Variants in CADM2 observed in about 807,000 individuals in gnomAD.
CADM2 encodes immunoglobulin superfamily member 4D.
CADM2 carries 12 observed loss-of-function variants against 49.8 expected under a neutral mutation model. That is an observed-to-expected ratio of 0.24 (90% CI 0.15 to 0.39). The LOEUF is 0.39. Among genes scored for constraint, CADM2 ranks in the 10% least tolerant of loss-of-function variants. The probability of loss-of-function intolerance (pLI) is 1.00; values close to 1 mark genes in which losing one functional copy is unlikely to be tolerated. For synonymous variants in CADM2, 214 were observed against 175.4 expected (o/e 1.22, Z -1.74); for missense variants, 378 against 492.3 (o/e 0.77, Z 2.20).
intron 6 of CADM2, among the ~76,000 whole-genome samples, chr3:85,926,828 G>A (rs1164640649): frequency 6.6e-6 from 1 of 152,200 alleles, no homozygotes; most frequent in Non-Finnish European, 1.5e-5. Context: ...TAGAGCCAAA[G>A]CCTTGGGCTG....
chr3:85,212,884 T>TTCTG (rs1674944199), intron 1 of CADM2, among the ~76,000 whole-genome samples: 1 of 78,610 alleles, frequency 1.3e-5, no homozygotes, highest in Non-Finnish European at 2.6e-5. Context: ...CTTTCTTTCT[T>TTCTG]TCTCTTTCTT....
At chr3:85,457,667 A>C (rs1438270985) in intron 1 of CADM2, among the ~76,000 whole-genome samples, 3 of 152,154 alleles carry the variant, frequency 2.0e-5, no homozygotes, top group Admixed American at 2.0e-4. Context: ...TGAATAATAC[A>C]ATTGAGGATT....
chr3:85,362,735 T>C (rs1401107582), intron 1 of CADM2, among the ~76,000 whole-genome samples: 1 of 152,206 alleles, frequency 6.6e-6, no homozygotes, highest in African/African-American at 2.4e-5. Flanking sequence ...TATTTGCTTA[T>C]ATTATTTATG....
At chr3:85,411,114 T>C (rs931756357) in intron 1 of CADM2, among the ~76,000 whole-genome samples, 1 of 152,210 alleles carries the variant, frequency 6.6e-6, no homozygotes, top group African/African-American at 2.4e-5. Flanking sequence ...AGGTTATATA[T>C]AGAGTTTGAC....
intron 3 of CADM2, among the ~76,000 whole-genome samples, chr3:85,821,234 T>A (rs933713420): frequency 2.0e-5 from 3 of 152,152 alleles, no homozygotes; most frequent in Admixed American, 6.5e-5. Context: ...AAGAAAGCTT[T>A]GCTCTCTTTT....
At chr3:85,036,373 G>C (rs565290047) in intron 1 of CADM2, among the ~76,000 whole-genome samples, 1 of 152,088 alleles carries the variant, frequency 6.6e-6, no homozygotes, top group East Asian at 1.9e-4. Context: ...AGTTGATTCA[G>C]GAGTAAAGAG....
chr3:85,881,428 TGTTTA>T (rs952935388), intron 3 of CADM2, among the ~76,000 whole-genome samples: 3 of 152,136 alleles, frequency 2.0e-5, no homozygotes, highest in Admixed American at 6.6e-5. Flanking sequence ...ATTTTCCTGG[TGTTTA>T]GTATGACTAG....
chr3:85,684,040 T>A lies in CADM2; in HGVS notation c.62-42482T>A, dbSNP rs77665662. 2.8e-3 allele frequency among the ~76,000 whole-genome samples: 434 copies of A among 152,308 alleles called. 4 individuals carry two copies. The highest frequency in any genetic ancestry group is 9.6e-3 in the African/African-American group (398 of 41,574). On this transcript the variant is annotated intron_variant, in intron 1 of 9. Transcript: ENST00000383699. ...ATACAGCCAGAACAAAAGTGGTGTATGTTCCCACCGATTGGTGGATCAGAA... is the reference window on the plus strand; with the variant it reads ...ATACAGCCAGAACAAAAGTGGTGTAAGTTCCCACCGATTGGTGGATCAGAA...
intron 1 of CADM2, among the ~76,000 whole-genome samples, chr3:85,010,928 A>ATCTCAGC (rs2033961433): frequency 1.8e-5 from 2 of 114,250 alleles, no homozygotes; most frequent in African/African-American, 6.9e-5. Context: ...CAGTGGCGTG[A>ATCTCAGC]TCTCAGCTCA....
At chr3:86,012,447 C>CGCCGGCCCTGCAGA (rs1731630663) in intron 8 of CADM2, 1 of 497,124 alleles carries the variant, frequency 2.0e-6, no homozygotes, top group Non-Finnish European at 3.4e-6. Flanking sequence ...CTCGCCCGCG[C>CGCCGGCCCTGCAGA]GCCGGCCCTG....
intron 1 of CADM2, among the ~76,000 whole-genome samples, chr3:85,212,833 T>G (rs1015855437): frequency 9.5e-6 from 1 of 104,914 alleles, no homozygotes; most frequent in African/African-American, 4.3e-5. Flanking sequence ...TTTCTTTCTT[T>G]CTTTCTTTCT....
At chr3:85,079,770 AAAATACCTTT>A (rs1280547775) in intron 1 of CADM2, among the ~76,000 whole-genome samples, 1 of 151,966 alleles carries the variant, frequency 6.6e-6, no homozygotes, top group African/African-American at 2.4e-5. Flanking sequence ...ACCTGTAATT[AAAATACCTTT>A]AAATTTTACG....
At chr3:85,958,075 A>G (rs1229853498) in intron 7 of CADM2, among the ~76,000 whole-genome samples, 1 of 152,062 alleles carries the variant, frequency 6.6e-6, no homozygotes, top group African/African-American at 2.4e-5. Flanking sequence ...TTTAGAATCT[A>G]CAAGGAGCTT....
At chr3:85,521,484 A>G (rs1198367724) in intron 1 of CADM2, among the ~76,000 whole-genome samples, 1 of 152,148 alleles carries the variant, frequency 6.6e-6, no homozygotes, top group Non-Finnish European at 1.5e-5. Context: ...GTTTACTGAA[A>G]CAGCACTGTT....
chr3:85,960,904 T>TATTTTATGTTTTATATTC (rs1311247594), intron 7 of CADM2, among the ~76,000 whole-genome samples: 3 of 149,486 alleles, frequency 2.0e-5, no homozygotes, highest in Non-Finnish European at 4.4e-5. Context: ...TTTTTATATT[T>TATTTTATGTTTTATATTC]ATTTTATGTT....
chr3:85,332,688 G>C (rs60407397), intron 1 of CADM2, among the ~76,000 whole-genome samples: 11,078 of 151,874 alleles, frequency 0.073, 739 homozygotes, highest in African/African-American at 0.18. Context: ...GTCCTCTGGA[G>C]TCCTTCTAAG....
At chr3:85,818,982 G>A (rs1354132581) in intron 3 of CADM2, among the ~76,000 whole-genome samples, 2 of 151,994 alleles carry the variant, frequency 1.3e-5, no homozygotes, top group Non-Finnish European at 2.9e-5. Context: ...TCTGCAAGGT[G>A]AGGAGCAAGG....
intron 8 of CADM2, among the ~76,000 whole-genome samples, chr3:85,984,109 T>C (rs1727797676): frequency 6.7e-6 from 1 of 149,870 alleles, no homozygotes; most frequent in Non-Finnish European, 1.5e-5. Flanking sequence ...TGCTTTATAT[T>C]ACATATGATG....
chr3:85,108,753 C>A (rs1315215975), intron 1 of CADM2, among the ~76,000 whole-genome samples: 1 of 151,670 alleles, frequency 6.6e-6, no homozygotes, highest in East Asian at 1.9e-4. Context: ...GTAAACTTTA[C>A]AATAAATTGT....
Sources: gnomAD v4.1 joint callset for allele counts (sites outside exome capture counted in the v4.1 genomes callset) on GRCh38, gnomAD v4.1.1 for gene constraint, MANE v1.5 for transcripts, NCBI Gene and HGNC (gene_info 2026-07-23, HGNC 2026-07-21) for gene names.